The following WDR97 variants were observed in gnomAD, a reference collection of about 807,000 sequenced individuals.
The protein encoded by WDR97 is WD repeat domain 97, also known as WD repeat-containing protein 97.
Under a neutral mutation model 65.4 loss-of-function variants are expected in WDR97, and 111 were observed. The observed-to-expected ratio is 1.70, with a 90% confidence interval of 1.45 to 1.99. The LOEUF (loss-of-function observed/expected upper bound fraction) is 1.99, where lower values mean the gene tolerates loss of function less well. Ranked by LOEUF, WDR97 falls within the 30% of genes most tolerant of loss-of-function variation. The pLI is 0.00. For synonymous variants in WDR97, 802 were observed against 397.7 expected (o/e 2.02, Z -12.10); for missense variants, 1,674 against 865.0 (o/e 1.94, Z -11.73).
chr8:144,114,756 C>T lies in WDR97; in HGVS notation c.3922C>T (p.Leu1308Phe), dbSNP rs1205148668. Residue 1308 changes from leucine (L) to phenylalanine (F), a missense_variant, in exon 21 of 24, where the codon CTC becomes TTC. Transcript: ENST00000323662. ...LYSPVHCRPE[L>F]KKLLHGLGLQ... is the part of the protein sequence containing the mutation. ...CACATGCACCTGTCCCAGGCCAGAGCTCAAGAAGCTGCTGCACGGGCTGGG... is the reference window on the plus strand; with the variant it reads ...CACATGCACCTGTCCCAGGCCAGAGTTCAAGAAGCTGCTGCACGGGCTGGG... 1.4e-6 allele frequency: 1 copy of T among 701,718 alleles called. No homozygotes were observed. The highest frequency in any genetic ancestry group is 2.7e-5 in the East Asian group (1 of 37,276). The allele number at this position is 701,718 out of a possible 1,614,324, so 43.5% of individuals were successfully genotyped here.
At position 144,110,884 on chromosome 8, in the gene WDR97, C is replaced by T. The variant is rs1454952178; in HGVS notation, c.2192C>T (p.Ala731Val). ...RLLRLLQLNG[A>V]PQALAFCSNS... ...TCCAGGCTCCTGCAGCTGAATGGTG[C>T]CCCTCAGGCCCTGGCTTTCTGCAGC... Residue 731 changes from alanine to valine, a missense_variant, in exon 9 of 24, where the codon GCC becomes GTC. Physicochemically the swap from Ala to Val is moderately conservative, Grantham distance 64. Transcript: ENST00000323662. The T allele has an allele frequency of 5.7e-6, 4 of 702,770 alleles. No homozygotes were observed. Among genetic ancestry groups the T allele is most frequent in the Non-Finnish European group, 1.0e-5 (4 of 384,984 alleles). The allele number at this position is 702,770 out of a possible 1,614,324, so 43.5% of individuals were successfully genotyped here. A position where few individuals can be genotyped will look rare whatever the true frequency, so the allele number is the denominator to read the frequency against.
chr8:144,114,993 C>T lies in WDR97; in HGVS notation c.4077+82C>T, dbSNP rs570049079. On this transcript the variant is annotated intron_variant, in intron 21 of 23. Coordinates refer to ENST00000323662, the MANE Select transcript of WDR97 (RefSeq NM_001316309.2). ...CTGCAAGTCCTGGGGTCAAAGCCAG[C>T]TGAGGCCACAGGCTCCTTCCTTGCC... is the stretch of plus-strand genomic sequence containing the variant. 4.4e-5 allele frequency: 27 copies of T among 618,832 alleles called. No individual in the cohort carries two copies. The Admixed American group carries it at 7.5e-4, about 17-fold the overall frequency. The allele number at this position is 618,832 out of a possible 1,614,324, so 38.3% of individuals were successfully genotyped here.
rs567950678 is a variant in WDR97, at chr8:144,108,548, G to A, written c.482G>A (p.Gly161Asp). Residue 161 changes from glycine to aspartate, a missense_variant, in exon 3 of 24, where the codon GGT becomes GAT. Coordinates refer to ENST00000323662, the MANE Select transcript of WDR97 (RefSeq NM_001316309.2). ...CTGGTGACCGTGCTGGGCCCGCTGG[G>A]TGCCGTGGGCCGTTTTGTAGGCTGG... Reference protein sequence around the residue: ...TGLVTVLGPLGAVGRFVGWGP... With the variant: ...TGLVTVLGPLDAVGRFVGWGP... 7 of 700,866 alleles carry A rather than the reference G, an allele frequency of 1.0e-5. No homozygotes were observed. Among genetic ancestry groups the A allele is most frequent in the Non-Finnish European group, 1.8e-5 (7 of 384,464 alleles). 43.4% of individuals were successfully genotyped at this position (700,866 alleles called of 1,614,324 possible). A position where few individuals can be genotyped will look rare whatever the true frequency, so the allele number is the denominator to read the frequency against.
In WDR97 at chr8:144,108,225, C is replaced by T. The variant is rs755288456; in HGVS notation, c.249+30C>T. 119 of 696,448 alleles carry T rather than the reference C, an allele frequency of 1.7e-4. 1 individual carries two copies. In the East Asian group the frequency reaches 3.0e-3, roughly 18 times the overall value. 43.1% of individuals were successfully genotyped at this position (696,448 alleles called of 1,614,324 possible). ...GGTGTGCCTGTCCTGCGCCTCCTGG[C>T]CTCTTTCCGGATCTGGGCCTTCCCT... On this transcript the variant is annotated intron_variant, in intron 2 of 23. Coordinates refer to ENST00000323662, the MANE Select transcript of WDR97 (RefSeq NM_001316309.2).
At chr8:144,112,190 C>T in intron 13 of WDR97, 34 bp from the exon 14 acceptor site, 1 of 701,804 alleles carries the variant, frequency 1.4e-6, no homozygotes. Context: ...CCCCATGACC[C>T]CTCTGCCACC....
chr8:144,110,392 G>T lies in WDR97; in HGVS notation c.1895G>T (p.Ser632Ile). Residue 632 changes from serine to isoleucine, a missense_variant, in exon 7 of 24, where the codon AGC (serine) becomes ATC (isoleucine). Physicochemically the swap from Ser to Ile is moderately radical, Grantham distance 142. Transcript: ENST00000323662. ...CGCGTCTTCCCCTATGCCGAAGAGA[G>T]CCTGAGCCTGCTGCGCACCTTCTCC... ...MWRVFPYAEE[S>I]LSLLRTFSCC... 1.4e-6 allele frequency: 1 copy of T among 703,006 alleles called. No individual in the cohort carries two copies. The highest frequency in any genetic ancestry group is 2.6e-6 in the Non-Finnish European group (1 of 384,992). The allele number at this position is 703,006 out of a possible 1,614,324, so 43.5% of individuals were successfully genotyped here.
At position 144,116,266 on chromosome 8, in the gene WDR97, G is replaced by A. The variant is rs1162940783; in HGVS notation, c.4842G>A (p.Ala1614=). The change falls in exon 24 of 24, where the codon GCG becomes GCA. Residue 1614 remains alanine (A), a synonymous_variant. Transcript: ENST00000323662. ...QPALQRYFLP[A]DADPDTYS Reference sequence around the variant, plus strand: ...CCCTGCAGCGCTACTTTCTGCCAGCGGACGCGGACCCTGACACCTACAGCT... The same window carrying A: ...CCCTGCAGCGCTACTTTCTGCCAGCAGACGCGGACCCTGACACCTACAGCT... 9.1e-6 allele frequency: 6 copies of A among 658,756 alleles called. No homozygotes were observed. The highest frequency in any genetic ancestry group is 1.7e-5 in the Non-Finnish European group (6 of 362,240). The allele number at this position is 658,756 out of a possible 1,614,324, so 40.8% of individuals were successfully genotyped here. A position where few individuals can be genotyped will look rare whatever the true frequency, so the allele number is the denominator to read the frequency against.
chr8:144,113,731 C>T lies in WDR97; in HGVS notation c.3258C>T (p.Leu1086=), dbSNP rs543205936. 3 of 696,650 alleles carry T rather than the reference C, an allele frequency of 4.3e-6. No homozygotes were observed. Among genetic ancestry groups the T allele is most frequent in the Non-Finnish European group, 7.9e-6 (3 of 381,672 alleles). The allele number at this position is 696,650 out of a possible 1,614,324, so 43.2% of individuals were successfully genotyped here. A position where few individuals can be genotyped will look rare whatever the true frequency, so the allele number is the denominator to read the frequency against. ...AAACCCAGTGGCAGAGGAAGCTGCT[C>T]CAATGGATGGGGGAGAAGCCTGGGG... ...PSQTQWQRKL[L]QWMGEKPGEE... is the part of the protein sequence containing the mutation. Residue 1086 remains leucine, a synonymous_variant, in exon 17 of 24, where the codon CTC becomes CTT. Coordinates refer to ENST00000323662, the MANE Select transcript of WDR97 (RefSeq NM_001316309.2).
Position 144,115,479 on chromosome 8 carries a change from C to T in WDR97, c.4216C>T (p.Pro1406Ser), listed in dbSNP as rs1836632207. Residue 1406 changes from proline (P) to serine (S), a missense_variant, in exon 22 of 24, where the codon CCT becomes TCT. Coordinates refer to ENST00000323662, the MANE Select transcript of WDR97 (RefSeq NM_001316309.2). ...AGAGGTGCCTTTGATGGTGGTCTCA[C>T]CTGCGGAGCCGCACTCTTTAGCCCC... ...VSEVPLMVVS[P>S]AEPHSLAPEL... The T allele has an allele frequency of 8.6e-6, 6 of 695,432 alleles. No individual in the cohort carries two copies. Among genetic ancestry groups the T allele is most frequent in the Non-Finnish European group, 1.6e-5 (6 of 380,646 alleles). The allele number at this position is 695,432 out of a possible 1,614,324, so 43.1% of individuals were successfully genotyped here.
Position 144,116,210 on chromosome 8 carries a change from C to A in WDR97, c.4786C>A (p.Arg1596Ser). 7.3e-6 allele frequency: 5 copies of A among 687,770 alleles called. No individual in the cohort carries two copies. The highest frequency in any genetic ancestry group is 1.1e-5 in the Non-Finnish European group (4 of 377,410). The allele number at this position is 687,770 out of a possible 1,614,324, so 42.6% of individuals were successfully genotyped here. Residue 1596 changes from arginine (R) to serine (S), a missense_variant, in exon 24 of 24, where the codon CGC (arginine) becomes AGC (serine). By Grantham distance (110) the Arg-to-Ser change is moderately radical (BLOSUM62 -1). Coordinates refer to ENST00000323662, the MANE Select transcript of WDR97 (RefSeq NM_001316309.2). ...PFPLDWPMPP[R>S]PLPPRLLQPA... Reference sequence around the variant, plus strand: ...CCCCCTGGACTGGCCTATGCCCCCGCGCCCGCTGCCCCCGCGGCTCCTGCA... The same window carrying A: ...CCCCCTGGACTGGCCTATGCCCCCGAGCCCGCTGCCCCCGCGGCTCCTGCA...
Position 144,108,055 on chromosome 8 carries a change from G to T in WDR97, c.113-4G>T. On this transcript the variant is annotated splice_polypyrimidine_tract_variant and splice_region_variant and intron_variant, in intron 1 of 23. Transcript: ENST00000323662. Reference sequence around the variant, plus strand: ...GTGGCAGAACTTCCAGTTCCTGCCCGCAGAGTTGACTTTCACGGAGCCGTC... The same window carrying T: ...GTGGCAGAACTTCCAGTTCCTGCCCTCAGAGTTGACTTTCACGGAGCCGTC... The T allele has an allele frequency of 1.4e-6, 1 of 702,776 alleles. No homozygotes were observed. The highest frequency in any genetic ancestry group is 2.6e-6 in the Non-Finnish European group (1 of 385,012). 43.5% of individuals were successfully genotyped at this position (702,776 alleles called of 1,614,324 possible).
intron 21 of WDR97, among the ~76,000 whole-genome samples, 178 bp downstream of exon 21, chr8:144,115,089 C>G (rs1156932141): frequency 6.6e-6 from 1 of 152,192 alleles, no homozygotes; most frequent in Non-Finnish European, 1.5e-5. Flanking sequence ...AGCTGGAAGT[C>G]AGCAGGGGGT....
Position 144,112,067 on chromosome 8 carries a change from C to T in WDR97, c.2818C>T (p.Gln940Ter), listed in dbSNP as rs1443480832. Reference sequence around the variant, plus strand: ...CCCACAGGACCTGGGAGCCCTGGGCCAGCACTTCTCCCAGTCTCCCCGAGT... The same window carrying T: ...CCCACAGGACCTGGGAGCCCTGGGCTAGCACTTCTCCCAGTCTCCCCGAGT... ...LSPQDLGALGQHFSQSPRVTV... is the reference protein window; with the variant it reads ...LSPQDLGALG The change falls in exon 13 of 24, where the codon CAG becomes TAG. Residue 940 changes from glutamine (Q) to a stop codon, truncating the protein, a stop_gained. Transcript: ENST00000323662. LOFTEE classifies it high-confidence loss of function. 4 of 702,738 alleles carry T rather than the reference C, an allele frequency of 5.7e-6. No individual in the cohort carries two copies. The Admixed American group carries it at 6.0e-5, about 11-fold the overall frequency. 43.5% of individuals were successfully genotyped at this position (702,738 alleles called of 1,614,324 possible). A position where few individuals can be genotyped will look rare whatever the true frequency, so the allele number is the denominator to read the frequency against.
Position 144,115,580 on chromosome 8 carries a change from C to G in WDR97, c.4317C>G (p.Ser1439=), listed in dbSNP as rs1444963204. 1 of 692,814 alleles carries G rather than the reference C, an allele frequency of 1.4e-6. No homozygotes were observed. Among genetic ancestry groups the G allele is most frequent in the South Asian group, 1.5e-5 (1 of 67,126 alleles). 42.9% of individuals were successfully genotyped at this position (692,814 alleles called of 1,614,324 possible). Residue 1439 remains serine (S), a synonymous_variant, in exon 22 of 24, where the codon TCC becomes TCG. Coordinates refer to ENST00000323662, the MANE Select transcript of WDR97 (RefSeq NM_001316309.2). ...GTPQLRLRVL[S]ETLKSFCLEP... ...CTCAGCTCCGTCTCAGAGTGCTCTC[C>G]GAGACGCTGAAGAGCTTCTGCCTGG... is the stretch of plus-strand genomic sequence containing the variant.
Position 144,113,514 on chromosome 8 carries a change from G to A in WDR97, c.3180G>A (p.Ala1060=), listed in dbSNP as rs1299241731. Reference sequence around the variant, plus strand: ...TGCTACAGCAGATGTGGCTAAATGCGGAGGTCAGCAGCCTCGGATCCCCGA... The same window carrying A: ...TGCTACAGCAGATGTGGCTAAATGCAGAGGTCAGCAGCCTCGGATCCCCGA... ...SAVLQQMWLN[A]EPGASQDALW... Residue 1060 remains alanine, a synonymous_variant, in exon 16 of 24, where the codon GCG becomes GCA. Transcript: ENST00000323662. 20 of 695,568 alleles carry A rather than the reference G, an allele frequency of 2.9e-5. No individual in the cohort carries two copies. The highest frequency in any genetic ancestry group is 2.2e-4 in the East Asian group (8 of 37,008). 43.1% of individuals were successfully genotyped at this position (695,568 alleles called of 1,614,324 possible).
Position 144,114,049 on chromosome 8 carries a change from C to T in WDR97, c.3481C>T (p.His1161Tyr), listed in dbSNP as rs1564322862. ...KVARTHPHPW[H>Y]RHGSLLLDEH... ...TGCCAGGACCCACCCTCATCCCTGG[C>T]ACCGTCATGGGAGTTTGCTCTTGGA... Residue 1161 changes from histidine (H) to tyrosine (Y), a missense_variant, in exon 18 of 24, where the codon CAC becomes TAC. Transcript: ENST00000323662. 2.8e-6 allele frequency: 2 copies of T among 702,858 alleles called. No homozygotes were observed. 43.5% of individuals were successfully genotyped at this position (702,858 alleles called of 1,614,324 possible).
intron 15 of WDR97, chr8:144,113,096 C>A: frequency 2.3e-6 from 1 of 440,496 alleles, no homozygotes; most frequent in African/African-American, 2.0e-5. Context: ...CTTCCTTCCT[C>A]CCTGGCCCCT....
rs780669954 is a variant in WDR97, at chr8:144,111,658, C to T, written c.2514C>T (p.Asp838=). The T allele has an allele frequency of 3.0e-5, 21 of 696,768 alleles. No homozygotes were observed. Among genetic ancestry groups the T allele is most frequent in the Admixed American group, 1.6e-4 (8 of 49,398 alleles). 43.2% of individuals were successfully genotyped at this position (696,768 alleles called of 1,614,324 possible). A position where few individuals can be genotyped will look rare whatever the true frequency, so the allele number is the denominator to read the frequency against. ...KEDLDAIVAR[D]RDLQQLRLGL... ...ACTTGGACGCCATAGTGGCCCGGGACCGAGACCTTCAGCAGTTGAGGCTGG... is the reference window on the plus strand; with the variant it reads ...ACTTGGACGCCATAGTGGCCCGGGATCGAGACCTTCAGCAGTTGAGGCTGG... The change falls in exon 12 of 24, where the codon GAC becomes GAT. Residue 838 remains aspartate, a synonymous_variant. Transcript: ENST00000323662.
rs1298840561 is a variant in WDR97 at position 144,117,980 on chromosome 8, G to T, written c.*1687G>T. ...GTCCTGCCTTGGGGAGAAAAAGGAG[G>T]GTGGGAAAAGGTCAAAGAGAAAGAT... On this transcript the variant is annotated 3_prime_UTR_variant, in exon 24 of 24. Transcript: ENST00000323662. The T allele has an allele frequency of 6.6e-6, 1 of 152,198 alleles. No homozygotes were observed. Among genetic ancestry groups the T allele is most frequent in the Non-Finnish European group, 1.5e-5 (1 of 68,058 alleles). The allele number at this position is 152,198 out of a possible 1,614,324, so 9.4% of individuals were successfully genotyped here.
Sources: allele counts gnomAD v4.1 joint callset (sites outside exome capture counted in the v4.1 genomes callset), GRCh38; gene constraint gnomAD v4.1.1; transcripts MANE v1.5; gene names NCBI Gene and HGNC (gene_info 2026-07-23, HGNC 2026-07-21).